IL15RA: variants seen among roughly 807,000 people sequenced by gnomAD.
IL15RA encodes the protein interleukin-15 receptor subunit alpha.
Under a neutral mutation model 24.2 loss-of-function variants are expected in IL15RA, and 26 were observed. The ratio of observed to expected loss-of-function variants is 1.07; its 90% confidence interval spans 0.79 to 1.49. The LOEUF is 1.49. Among genes scored for constraint, IL15RA ranks in the 40% most tolerant of loss-of-function variants. IL15RA has a pLI of 0.00. For missense variants in IL15RA, 354 were observed against 356.4 expected (o/e 0.99, Z 0.05); for synonymous variants, 166 against 157.6 (o/e 1.05, Z -0.40).
chr10:5,953,051 A>G lies in IL15RA; in HGVS notation c.*44T>C. The G allele has an allele frequency of 7.2e-7, 1 of 1,385,080 alleles. No homozygotes were observed. The allele number at this position is 1,385,080 out of a possible 1,614,324, so 85.8% of individuals were successfully genotyped here. On this transcript the variant is annotated 3_prime_UTR_variant, in exon 7 of 7. Transcript: ENST00000379977. This position sits in a 1 kb window ranked among gnomAD's most constrained non-coding sequence, Gnocchi z 5.3. ...TCAGTCGTCTTTAGCTAAAGCAGAG[A>G]GGCTCCTTCACTCCGGACTTAGCTG... is the stretch of plus-strand genomic sequence containing the variant.
Position 5,959,145 on chromosome 10 carries a change from G to A in IL15RA, c.616+609C>T, listed in dbSNP as rs938075051. On this transcript the variant is annotated intron_variant, in intron 5 of 6. Coordinates refer to ENST00000379977, the MANE Select transcript of IL15RA (RefSeq NM_002189.4). This position sits in a 1 kb window ranked among gnomAD's most constrained non-coding sequence, Gnocchi z 4.1. ...CAGATTTTTGGTTTTATTTTGTTTT[G>A]TTAACTTTTTTTCTTTTTCTTTTTC... Among the ~76,000 whole-genome samples the A allele has an allele frequency of 1.4e-5, 2 of 147,690 alleles. No individual in the cohort carries two copies. Among genetic ancestry groups the A allele is most frequent in the African/African-American group, 5.0e-5 (2 of 40,162 alleles).
rs529467450 is a variant in IL15RA at position 5,970,098 on chromosome 10, T to C, written c.89-3759A>G. ...ATTTCCTATGGAGATGATCACATCA[T>C]AGATTCTCTGAGTATGTTTTATGAT... is the stretch of plus-strand genomic sequence containing the variant. On this transcript the variant is annotated intron_variant, in intron 1 of 6. Coordinates refer to ENST00000379977, the MANE Select transcript of IL15RA (RefSeq NM_002189.4). The surrounding 1 kb of genome is among the most constrained non-coding windows in gnomAD (Gnocchi z 4.1). Among the ~76,000 whole-genome samples, 2 of 152,372 alleles carry C rather than the reference T, an allele frequency of 1.3e-5. No homozygotes were observed. The highest frequency in any genetic ancestry group is 6.5e-5 in the Admixed American group (1 of 15,308).
Position 5,977,461 on chromosome 10 carries a change from G to A in IL15RA, c.32C>T (p.Thr11Ile). The A allele has an allele frequency of 7.3e-7, 1 of 1,363,672 alleles. No individual in the cohort carries two copies. Among genetic ancestry groups the A allele is most frequent in the African/African-American group, 1.5e-5 (1 of 66,064 alleles). The allele number at this position is 1,363,672 out of a possible 1,614,324, so 84.5% of individuals were successfully genotyped here. The change falls in exon 1 of 7, where the codon ACC becomes ATC. Residue 11 changes from threonine to isoleucine, a missense_variant. Coordinates refer to ENST00000379977, the MANE Select transcript of IL15RA (RefSeq NM_002189.4). Reference protein sequence around the residue: MAPRRARGCRTLGLPALLLLL... With the variant: MAPRRARGCRILGLPALLLLL... ...CAGTAGCAGCGCCGGGAGACCGAGG[G>A]TCCGGCAGCCGCGCGCCCGCCGCGG...
At position 5,970,191 on chromosome 10, in the gene IL15RA, T is replaced by C. The variant is rs1209321658; in HGVS notation, c.89-3852A>G. Reference sequence around the variant, plus strand: ...TACTAGTTTAGTGGTTGTTTTAGGGTGTCCACTATATATCTTTACCTTATC... The same window carrying C: ...TACTAGTTTAGTGGTTGTTTTAGGGCGTCCACTATATATCTTTACCTTATC... On this transcript the variant is annotated intron_variant, in intron 1 of 6. Transcript: ENST00000379977. This position sits in a 1 kb window ranked among gnomAD's most constrained non-coding sequence, Gnocchi z 4.1. Among the ~76,000 whole-genome samples the C allele has an allele frequency of 2.0e-5, 3 of 152,200 alleles. No homozygotes were observed. Among genetic ancestry groups the C allele is most frequent in the Non-Finnish European group, 4.4e-5 (3 of 68,040 alleles).
intron 1 of IL15RA, among the ~76,000 whole-genome samples, chr10:5,976,779 G>C (rs1435376472): frequency 1.3e-5 from 2 of 151,334 alleles, no homozygotes; most frequent in African/African-American, 4.9e-5. Flanking sequence ...TAGACTCCAG[G>C]CTGGCCCCCA....
Position 5,967,198 on chromosome 10 carries a change from C to G in IL15RA, c.89-859G>C, listed in dbSNP as rs1296047002. Among the ~76,000 whole-genome samples, 3 of 152,120 alleles carry G rather than the reference C, an allele frequency of 2.0e-5. No homozygotes were observed. The highest frequency in any genetic ancestry group is 2.9e-5 in the Non-Finnish European group (2 of 68,006). On this transcript the variant is annotated intron_variant, in intron 1 of 6. Coordinates refer to ENST00000379977, the MANE Select transcript of IL15RA (RefSeq NM_002189.4). The surrounding 1 kb of genome is among the most constrained non-coding windows in gnomAD (Gnocchi z 4.4). ...CTTGTCTTGCCTTGCCTTACCTTGC[C>G]TTACCTTGCCTTGCCTTTCTTTTTT...
At chr10:5,974,270 G>A (rs1233941783) in intron 1 of IL15RA, among the ~76,000 whole-genome samples, 1 of 152,122 alleles carries the variant, frequency 6.6e-6, no homozygotes, top group Non-Finnish European at 1.5e-5. Context: ...AAAGTGCTGG[G>A]ATTACAGGTG....
Position 5,975,710 on chromosome 10 carries a change from A to G in IL15RA, c.88+1695T>C, listed in dbSNP as rs1030878118. Among the ~76,000 whole-genome samples, 1 of 152,106 alleles carries G rather than the reference A, an allele frequency of 6.6e-6. No individual in the cohort carries two copies. The highest frequency in any genetic ancestry group is 1.5e-5 in the Non-Finnish European group (1 of 68,004). Reference sequence around the variant, plus strand: ...ACCATGTTGGATCAGCCTGACCAACATGATGAAACCCCGTCTCTATTAAAA... The same window carrying G: ...ACCATGTTGGATCAGCCTGACCAACGTGATGAAACCCCGTCTCTATTAAAA... On this transcript the variant is annotated intron_variant, in intron 1 of 6. Coordinates refer to ENST00000379977, the MANE Select transcript of IL15RA (RefSeq NM_002189.4). The surrounding 1 kb of genome is among the most constrained non-coding windows in gnomAD (Gnocchi z 4.8).
In IL15RA at chr10:5,963,867, C is replaced by T; in HGVS notation, c.284-26G>A. Reference sequence around the variant, plus strand: ...CTAGAGAGAGGATAACCACATGGCACTTATGATCCTGAGCCTGGAACCTGG... The same window carrying T: ...CTAGAGAGAGGATAACCACATGGCATTTATGATCCTGAGCCTGGAACCTGG... On this transcript the variant is annotated intron_variant, in intron 2 of 6. Coordinates refer to ENST00000379977, the MANE Select transcript of IL15RA (RefSeq NM_002189.4). The surrounding 1 kb of genome is among the most constrained non-coding windows in gnomAD (Gnocchi z 5.3). The T allele has an allele frequency of 6.9e-7, 1 of 1,451,932 alleles. No individual in the cohort carries two copies. Among genetic ancestry groups the T allele is most frequent in the Non-Finnish European group, 9.4e-7 (1 of 1,069,396 alleles). 89.9% of individuals were successfully genotyped at this position (1,451,932 alleles called of 1,614,324 possible).
At chr10:5,974,313 T>C (rs1031299179) in intron 1 of IL15RA, among the ~76,000 whole-genome samples, 1 of 152,084 alleles carries the variant, frequency 6.6e-6, no homozygotes, top group Non-Finnish European at 1.5e-5. Flanking sequence ...ACAATTCAAT[T>C]TTTAAGAGAG....
rs1244971361 is a variant in IL15RA, at chr10:5,959,737, C to T, written c.616+17G>A. On this transcript the variant is annotated intron_variant, in intron 5 of 6. Transcript: ENST00000379977. The surrounding 1 kb of genome is among the most constrained non-coding windows in gnomAD (Gnocchi z 4.1). ...TCACCCTGATCATAAACATACCGGACAAAGGGACACACTTACCAGTGGTGT... is the reference window on the plus strand; with the variant it reads ...TCACCCTGATCATAAACATACCGGATAAAGGGACACACTTACCAGTGGTGT... 3 of 1,612,932 alleles carry T rather than the reference C, an allele frequency of 1.9e-6. No individual in the cohort carries two copies. Among genetic ancestry groups the T allele is most frequent in the East Asian group, 4.5e-5 (2 of 44,874 alleles).
In IL15RA at chr10:5,975,469, C is replaced by G. The variant is rs923541334; in HGVS notation, c.88+1936G>C. Among the ~76,000 whole-genome samples the G allele has an allele frequency of 5.3e-5, 8 of 150,620 alleles. No homozygotes were observed. The highest frequency in any genetic ancestry group is 2.0e-4 in the African/African-American group (8 of 40,066). ...TCTTTGGGAGTGATAGTTGTGTTCA[C>G]TCTTGGTGGTGGCAGTGGTTTCATG... On this transcript the variant is annotated intron_variant, in intron 1 of 6. Transcript: ENST00000379977. The surrounding 1 kb of genome is among the most constrained non-coding windows in gnomAD (Gnocchi z 4.8).
rs1224033381 is a variant in IL15RA at position 5,968,871 on chromosome 10, T to C, written c.89-2532A>G. The C allele has an allele frequency of 9.1e-6, 11 of 1,213,144 alleles. No homozygotes were observed. Among genetic ancestry groups the C allele is most frequent in the South Asian group, 1.3e-5 (1 of 77,534 alleles). 75.1% of individuals were successfully genotyped at this position (1,213,144 alleles called of 1,614,324 possible). ...GGCCTCGTGTGTCTGGACCTCATGGTTGAAGCTTTCAGATATTCTGCTCCT... is the reference window on the plus strand; with the variant it reads ...GGCCTCGTGTGTCTGGACCTCATGGCTGAAGCTTTCAGATATTCTGCTCCT... On this transcript the variant is annotated intron_variant, in intron 1 of 6. Transcript: ENST00000379977. The surrounding 1 kb of genome is among the most constrained non-coding windows in gnomAD (Gnocchi z 5.4).
upstream of IL15RA, among the ~76,000 whole-genome samples, chr10:5,978,589 CTTAAAAG>C (rs999760494): frequency 1.3e-5 from 2 of 152,180 alleles, no homozygotes; most frequent in Non-Finnish European, 2.9e-5. This position sits in a 1 kb window ranked among gnomAD's most constrained non-coding sequence, Gnocchi z 5.2. Context: ...TAACCCTGAA[CTTAAAAG>C]TTAAATAAAA....
chr10:5,954,314 A>AT (rs1277278188), intron 6 of IL15RA, among the ~76,000 whole-genome samples: 1 of 152,012 alleles, frequency 6.6e-6, no homozygotes, highest in East Asian at 1.9e-4. Context: ...AGGTTTCACC[A>AT]TGTTGGCCAG....
At position 5,971,565 on chromosome 10, in the gene IL15RA, C is replaced by T. The variant is rs371073390; in HGVS notation, c.89-5226G>A. ...TCAGAATGGACTCCAACATTCCCCT[C>T]GCTTACAGCACCTTTCAAATGCCTG... On this transcript the variant is annotated intron_variant, in intron 1 of 6. Transcript: ENST00000379977. The surrounding 1 kb of genome is among the most constrained non-coding windows in gnomAD (Gnocchi z 5.5). Among the ~76,000 whole-genome samples the T allele has an allele frequency of 6.6e-5, 10 of 152,308 alleles. No homozygotes were observed. Among genetic ancestry groups the T allele is most frequent in the East Asian group, 1.9e-4 (1 of 5,188 alleles).
At position 5,963,837 on chromosome 10, in the gene IL15RA, G is replaced by T. The variant is rs1486576698; in HGVS notation, c.288C>A (p.Asp96Glu). The T allele has an allele frequency of 3.8e-6, 6 of 1,558,654 alleles. No homozygotes were observed. The highest frequency in any genetic ancestry group is 5.2e-6 in the Non-Finnish European group (6 of 1,159,244). Residue 96 changes from aspartate to glutamate, a missense_variant, in exon 3 of 7, where the codon GAC (aspartate) becomes GAA (glutamate). Asp to Glu is a conservative substitution (Grantham distance 45, BLOSUM62 2). Coordinates refer to ENST00000379977, the MANE Select transcript of IL15RA (RefSeq NM_002189.4). This position sits in a 1 kb window ranked among gnomAD's most constrained non-coding sequence, Gnocchi z 5.3. ...WTTPSLKCIR[D>E]PALVHQRPAP... is the part of the protein sequence containing the mutation. ...CTGGCCTTTGGTGAACCAGGGCAGGGTCTCCTAGAGAGAGGATAACCACAT... is the reference window on the plus strand; with the variant it reads ...CTGGCCTTTGGTGAACCAGGGCAGGTTCTCCTAGAGAGAGGATAACCACAT...
intron 1 of IL15RA, among the ~76,000 whole-genome samples, chr10:5,974,957 T>G (rs1240974319): frequency 2.0e-5 from 3 of 151,640 alleles, no homozygotes; most frequent in Non-Finnish European, 4.4e-5. Context: ...AGGTCAAGGC[T>G]GCAGTGAGCT....
At chr10:5,948,913 T>C (rs1265377540), downstream of IL15RA, 2 of 186,582 alleles carry the variant, frequency 1.1e-5, no homozygotes, top group South Asian at 1.1e-4. Flanking sequence ...TGAAAATATA[T>C]ATTTTATTTT....
Sources: allele counts gnomAD v4.1 joint callset (sites outside exome capture counted in the v4.1 genomes callset), GRCh38; gene constraint gnomAD v4.1.1; non-coding constraint Gnocchi (gnomAD v3.1); transcripts MANE v1.5; gene names NCBI Gene and HGNC (gene_info 2026-07-23, HGNC 2026-07-21).